PRR16: variants seen among roughly 807,000 people sequenced by gnomAD.
The protein encoded by PRR16 is protein Largen.
A neutral mutation model predicts 18.2 loss-of-function variants in PRR16; 6 were observed. That is an observed-to-expected ratio of 0.33 (90% CI 0.18 to 0.65). PRR16 has a LOEUF of 0.65. Ranked by LOEUF, PRR16 falls within the 30% of genes least tolerant of loss-of-function variation. The pLI, the probability that PRR16 is intolerant of heterozygous loss-of-function variation, is 0.74. For synonymous variants in PRR16, 151 were observed against 147.8 expected (o/e 1.02, Z -0.16); for missense variants, 412 against 376.6 (o/e 1.09, Z -0.78).
intron 1 of PRR16, among the ~76,000 whole-genome samples, chr5:120,576,685 T>A (rs1041776229): frequency 3.3e-5 from 5 of 152,098 alleles, no homozygotes; most frequent in Non-Finnish European, 5.9e-5. Flanking sequence ...TTTCCTTGAG[T>A]AGGACAGTTT....
At chr5:120,589,099 G>GGTT (rs1176225791) in intron 1 of PRR16, among the ~76,000 whole-genome samples, 5 of 151,796 alleles carry the variant, frequency 3.3e-5, no homozygotes, top group Admixed American at 3.3e-4. Flanking sequence ...CACTGGATAA[G>GGTT]GTTATTATTA....
chr5:120,669,480 T>C (rs1326722823), intron 1 of PRR16, among the ~76,000 whole-genome samples: 2 of 152,112 alleles, frequency 1.3e-5, no homozygotes, highest in Non-Finnish European at 2.9e-5. Flanking sequence ...AAAAATGTGT[T>C]ATTAGAATAG....
At chr5:120,732,062 T>C in the PRR16 span, among the ~76,000 whole-genome samples, 2 of 152,118 alleles carry the variant, frequency 1.3e-5, no homozygotes, top group African/African-American at 2.4e-5. Flanking sequence ...CAGAGTACTA[T>C]AGGAAAACCA....
At chr5:120,630,577 CT>C (rs35131515) in intron 1 of PRR16, among the ~76,000 whole-genome samples, 116,666 of 151,298 alleles carry the variant, frequency 0.77, 45,093 homozygotes, top group East Asian at 0.88. Flanking sequence ...AAACGAACAC[CT>C]TTTTTTTTTC....
At chr5:120,512,023 A>G (rs961918884) in intron 1 of PRR16, among the ~76,000 whole-genome samples, 4 of 151,680 alleles carry the variant, frequency 2.6e-5, no homozygotes, top group Non-Finnish European at 5.9e-5. Flanking sequence ...CACCCTTGCA[A>G]TTAGGTAATA....
At chr5:120,534,388 T>G (rs1751648900) in intron 1 of PRR16, among the ~76,000 whole-genome samples, 1 of 152,156 alleles carries the variant, frequency 6.6e-6, no homozygotes, top group South Asian at 2.1e-4. Context: ...TCTTTGATAA[T>G]ATGTCTATAT....
downstream of PRR16, among the ~76,000 whole-genome samples, chr5:120,692,118 G>T (rs767890462): frequency 1.3e-5 from 2 of 152,134 alleles, no homozygotes; most frequent in African/African-American, 2.4e-5. Flanking sequence ...TAAAAACATC[G>T]ATCCTGCATT....
chr5:120,753,970 TTATATAA>T, the PRR16 span, among the ~76,000 whole-genome samples: 33 of 120,492 alleles, frequency 2.7e-4, no homozygotes, highest in Non-Finnish European at 5.4e-4. Context: ...ATAATATATG[TTATATAA>T]TATAATATAT....
At chr5:120,515,160 A>C (rs1750947958) in intron 1 of PRR16, among the ~76,000 whole-genome samples, 1 of 152,186 alleles carries the variant, frequency 6.6e-6, no homozygotes, top group East Asian at 1.9e-4. Flanking sequence ...GAGGCATTAA[A>C]GGGGTGAGAG....
At chr5:120,607,990 G>T (rs1754210742) in intron 1 of PRR16, among the ~76,000 whole-genome samples, 1 of 152,052 alleles carries the variant, frequency 6.6e-6, no homozygotes, top group South Asian at 2.1e-4. Context: ...CCATCCAGTA[G>T]ATATCAAATC....
chr5:120,493,822 A>G (rs1263949307), intron 1 of PRR16, among the ~76,000 whole-genome samples: 1 of 152,158 alleles, frequency 6.6e-6, no homozygotes, highest in Non-Finnish European at 1.5e-5. Flanking sequence ...TTCACTGAAC[A>G]TAATACTCTG....
intron 1 of PRR16, among the ~76,000 whole-genome samples, chr5:120,665,775 T>C (rs978753642): frequency 2.0e-5 from 3 of 152,150 alleles, no homozygotes; most frequent in Non-Finnish European, 2.9e-5. Flanking sequence ...TGTAGATATG[T>C]GGCATTATTT....
At chr5:120,732,299 G>A in the PRR16 span, among the ~76,000 whole-genome samples, 21 of 152,208 alleles carry the variant, frequency 1.4e-4, no homozygotes, top group Non-Finnish European at 2.8e-4. Context: ...CGCTTAACGT[G>A]AGTAGGAGTA....
the PRR16 span, among the ~76,000 whole-genome samples, chr5:120,751,460 A>G: frequency 2.0e-5 from 3 of 151,986 alleles, no homozygotes; most frequent in East Asian, 5.8e-4. Context: ...GATCTTTGTG[A>G]TAAAAGCCAC....
intron 1 of PRR16, among the ~76,000 whole-genome samples, chr5:120,488,462 G>A (rs1305218991): frequency 6.6e-6 from 1 of 151,986 alleles, no homozygotes; most frequent in Admixed American, 6.6e-5. Flanking sequence ...TTCTCTGACG[G>A]TAGTTTGTAT....
At chr5:120,481,128 C>G in intron 1 of PRR16, 15 of 1,178,550 alleles carry the variant, frequency 1.3e-5, no homozygotes, top group Non-Finnish European at 1.6e-5. Flanking sequence ...GCTACTTTAC[C>G]AATGTTTTAA....
the PRR16 span, among the ~76,000 whole-genome samples, chr5:120,720,371 C>T: frequency 1.3e-5 from 2 of 151,968 alleles, no homozygotes; most frequent in East Asian, 3.9e-4. Context: ...TTACCATCTT[C>T]TTCATCTTTT....
At chr5:120,583,675 C>T (rs1753346835) in intron 1 of PRR16, among the ~76,000 whole-genome samples, 1 of 152,078 alleles carries the variant, frequency 6.6e-6, no homozygotes, top group African/African-American at 2.4e-5. Flanking sequence ...AGTTGGCTGA[C>T]ACAAGGACAC....
At chr5:120,467,267 G>T (rs370654290) in intron 1 of PRR16, among the ~76,000 whole-genome samples, 1 of 151,888 alleles carries the variant, frequency 6.6e-6, no homozygotes, top group East Asian at 1.9e-4. Context: ...TCCTTTATTG[G>T]CAATGCTATG....
Sources: allele counts gnomAD v4.1 joint callset (sites outside exome capture counted in the v4.1 genomes callset), GRCh38; gene constraint gnomAD v4.1.1; transcripts MANE v1.5; gene names NCBI Gene and HGNC (gene_info 2026-07-23, HGNC 2026-07-21).